Variants in CADPS observed in about 807,000 individuals in gnomAD.
CADPS encodes the protein calcium dependent secretion activator, also known as calcium-dependent secretion activator 1.
A neutral mutation model predicts 167.3 loss-of-function variants in CADPS; 57 were observed. That is an observed-to-expected ratio of 0.34 (90% CI 0.28 to 0.42). The LOEUF (loss-of-function observed/expected upper bound fraction) is 0.42, where lower values mean the gene tolerates loss of function less well. Ranked by LOEUF, CADPS falls within the 20% of genes least tolerant of loss-of-function variation. The pLI is 1.00. For synonymous variants in CADPS, 676 were observed against 635.3 expected (o/e 1.06, Z -0.96); for missense variants, 1,414 against 1,738.1 (o/e 0.81, Z 3.32).
chr3:62,576,813 A>AAAAAAAAAAAAAAAAG (rs1562375615), intron 8 of CADPS, among the ~76,000 whole-genome samples: 3 of 149,402 alleles, frequency 2.0e-5, no homozygotes, highest in African/African-American at 7.5e-5. Context: ...AAAAAAAAAA[A>AAAAAAAAAAAAAAAAG]AAAAGCAGTC....
intron 3 of CADPS, among the ~76,000 whole-genome samples, chr3:62,738,270 C>T (rs531402930): frequency 4.7e-4 from 72 of 152,242 alleles, no homozygotes; most frequent in Middle Eastern, 3.4e-3. Flanking sequence ...GCTAGTACTT[C>T]TTGATGACAA....
intron 28 of CADPS, among the ~76,000 whole-genome samples, chr3:62,427,652 G>A (rs752280469): frequency 2.0e-5 from 3 of 151,912 alleles, no homozygotes; most frequent in Non-Finnish European, 4.4e-5. Context: ...ATCACCCCCC[G>A]GTAGAAGCAC....
chr3:62,619,178 C>G (rs2062789989), intron 6 of CADPS, among the ~76,000 whole-genome samples: 1 of 152,048 alleles, frequency 6.6e-6, no homozygotes, highest in South Asian at 2.1e-4. Flanking sequence ...CTATTTTGCC[C>G]TTATAGAAAA....
intron 22 of CADPS, among the ~76,000 whole-genome samples, 194 bp downstream of exon 22, chr3:62,481,529 G>T (rs1560999543): frequency 6.6e-6 from 1 of 152,218 alleles, no homozygotes; most frequent in African/African-American, 2.4e-5. Flanking sequence ...AATTGTTAGT[G>T]CTGTATATAT....
intron 8 of CADPS, among the ~76,000 whole-genome samples, chr3:62,578,141 G>A (rs561376204): frequency 5.9e-5 from 8 of 136,412 alleles, no homozygotes; most frequent in Non-Finnish European, 9.5e-5. Context: ...GACACGAATA[G>A]GTTAAAAATA....
At chr3:62,702,495 C>A (rs1274329407) in intron 3 of CADPS, among the ~76,000 whole-genome samples, 8 of 152,062 alleles carry the variant, frequency 5.3e-5, no homozygotes, top group Non-Finnish European at 1.2e-4. Flanking sequence ...TGAGCAGTAT[C>A]ATCAAGGAAT....
At chr3:62,646,222 T>A (rs1012673017) in intron 5 of CADPS, among the ~76,000 whole-genome samples, 1 of 148,310 alleles carries the variant, frequency 6.7e-6, no homozygotes, top group Non-Finnish European at 1.5e-5. Flanking sequence ...AGTGGTGCAA[T>A]GGCGTGATCT....
At chr3:62,755,129 T>C (rs1247631674) in intron 2 of CADPS, among the ~76,000 whole-genome samples, 1 of 152,158 alleles carries the variant, frequency 6.6e-6, no homozygotes, top group African/African-American at 2.4e-5. Flanking sequence ...GGACTTCCTT[T>C]TGGTAGCTCA....
chr3:62,462,529 C>G (rs1177046500), intron 26 of CADPS, among the ~76,000 whole-genome samples: 2 of 152,210 alleles, frequency 1.3e-5, no homozygotes, highest in East Asian at 3.9e-4. Flanking sequence ...TGTCGATACT[C>G]GTCAGCTTTC....
Position 62,462,192 on chromosome 3 carries a change from C to T in CADPS, c.3636+3175G>A, listed in dbSNP as rs115264169. Among the ~76,000 whole-genome samples the T allele has an allele frequency of 2.3e-3, 350 of 152,336 alleles. 1 individual carries two copies. The highest frequency in any genetic ancestry group is 7.9e-3 in the African/African-American group (329 of 41,578). ...GCAGATAGTTGCTAATTGCGTCTTCCAACTGGGCTGATCTTTCAAAAGTTC... is the reference window on the plus strand; with the variant it reads ...GCAGATAGTTGCTAATTGCGTCTTCTAACTGGGCTGATCTTTCAAAAGTTC... On this transcript the variant is annotated intron_variant, in intron 26 of 29. Coordinates refer to ENST00000383710, the MANE Select transcript of CADPS (RefSeq NM_003716.4).
intron 23 of CADPS, chr3:62,477,964 GTGCCAGACACTGCTAGA>G (rs1259142164): frequency 2.8e-5 from 9 of 325,486 alleles, no homozygotes; most frequent in African/African-American, 1.8e-4. Context: ...TAAGTATTTT[GTGCCAGACACTGCTAGA>G]TATCAGGGAT....
intron 9 of CADPS, among the ~76,000 whole-genome samples, chr3:62,562,999 G>A (rs969598375): frequency 6.6e-6 from 1 of 152,168 alleles, no homozygotes; most frequent in Non-Finnish European, 1.5e-5. Context: ...TCAATTCAGC[G>A]GAAAGCAGAG....
At chr3:62,580,451 G>C (rs1386207108) in intron 8 of CADPS, among the ~76,000 whole-genome samples, 4 of 152,074 alleles carry the variant, frequency 2.6e-5, no homozygotes, top group Non-Finnish European at 5.9e-5. Flanking sequence ...TCGGGGGAGT[G>C]GGGAGGGATA....
intron 6 of CADPS, among the ~76,000 whole-genome samples, chr3:62,631,489 T>C (rs1040847030): frequency 6.6e-6 from 1 of 152,212 alleles, no homozygotes; most frequent in Non-Finnish European, 1.5e-5. Context: ...TTTTAATCCA[T>C]GGCTTTGTTT....
At chr3:62,818,392 GA>G (rs1014805173) in intron 1 of CADPS, among the ~76,000 whole-genome samples, 1 of 152,124 alleles carries the variant, frequency 6.6e-6, no homozygotes, top group African/African-American at 2.4e-5. Context: ...GACTTGACCA[GA>G]CACCTCAGAA....
intron 13 of CADPS, among the ~76,000 whole-genome samples, chr3:62,520,737 GGAGA>G (rs1310636661): frequency 6.6e-6 from 1 of 152,202 alleles, no homozygotes; most frequent in African/African-American, 2.4e-5. Context: ...ATTGGTAACA[GGAGA>G]TGCTGCTTTA....
chr3:62,426,748 G>A (rs1160500525), intron 28 of CADPS, among the ~76,000 whole-genome samples: 3 of 152,148 alleles, frequency 2.0e-5, no homozygotes, highest in South Asian at 2.1e-4. Flanking sequence ...ACATCTGCTC[G>A]ATATAAAGAA....
rs913358455 is a variant in CADPS, at chr3:62,420,301, T to C, written c.3778-17116A>G. ...TCCTCTAGACAGTTTTGAAACTAGA[T>C]CTATTTCAATTCAATGAACATGAGC... On this transcript the variant is annotated intron_variant, in intron 28 of 29. Transcript: ENST00000383710. The surrounding 1 kb of genome is among the most constrained non-coding windows in gnomAD (Gnocchi z 4.1). Among the ~76,000 whole-genome samples the C allele has an allele frequency of 8.5e-5, 13 of 152,200 alleles. No individual in the cohort carries two copies. The highest frequency in any genetic ancestry group is 2.9e-4 in the African/African-American group (12 of 41,446).
At chr3:62,780,840 C>A (rs564368995) in intron 1 of CADPS, among the ~76,000 whole-genome samples, 3 of 152,254 alleles carry the variant, frequency 2.0e-5, no homozygotes, top group Non-Finnish European at 2.9e-5. Flanking sequence ...TTAAATAAAT[C>A]TTTGATAACA....
Sources: allele counts gnomAD v4.1 joint callset (sites outside exome capture counted in the v4.1 genomes callset), GRCh38; gene constraint gnomAD v4.1.1; non-coding constraint Gnocchi (gnomAD v3.1); transcripts MANE v1.5; gene names NCBI Gene and HGNC (gene_info 2026-07-23, HGNC 2026-07-21).